The following TCF4 variants were observed in gnomAD, a reference collection of about 807,000 sequenced individuals.
The protein encoded by TCF4 is transcription factor 4.
Under a neutral mutation model 82.1 loss-of-function variants are expected in TCF4, and 3 were observed. That is an observed-to-expected ratio of 0.04 (90% CI 0.02 to 0.09). The LOEUF is 0.09. Ranked by LOEUF, TCF4 falls within the 10% of genes least tolerant of loss-of-function variation. The pLI, the probability that TCF4 is intolerant of heterozygous loss-of-function variation, is 1.00. For synonymous variants in TCF4, 276 were observed against 309.6 expected (o/e 0.89, Z 1.14); for missense variants, 518 against 852.7 (o/e 0.61, Z 4.89).
chr18:55,312,152 A>G (rs149667178), intron 8 of TCF4, among the ~76,000 whole-genome samples: 1 of 152,354 alleles, frequency 6.6e-6, no homozygotes, highest in African/African-American at 2.4e-5. Context: ...AAACAGGAAA[A>G]TATCTTAATG....
intron 6 of TCF4, among the ~76,000 whole-genome samples, chr18:55,374,442 T>C (rs1289752487): frequency 6.6e-6 from 1 of 151,788 alleles, no homozygotes; most frequent in African/African-American, 2.4e-5. Flanking sequence ...ACAAAATATA[T>C]TTGCTAAATA....
At chr18:55,635,552 C>T in intron 1 of TCF4, 1 of 911,408 alleles carries the variant, frequency 1.1e-6, no homozygotes, top group Non-Finnish European at 1.5e-6. Flanking sequence ...AAAAGACTCT[C>T]AAGAGGGCAG....
At chr18:55,249,602 C>G (rs1338624992) in intron 15 of TCF4, among the ~76,000 whole-genome samples, 1 of 152,224 alleles carries the variant, frequency 6.6e-6, no homozygotes, top group Non-Finnish European at 1.5e-5. Context: ...AGGGAGCAAT[C>G]TGCTTAAGTA....
intron 2 of TCF4, among the ~76,000 whole-genome samples, chr18:55,611,500 C>T (rs2097706949): frequency 6.6e-6 from 1 of 152,070 alleles, no homozygotes; most frequent in African/African-American, 2.4e-5. Flanking sequence ...AAAACCAAAG[C>T]TATATAGCAC....
intron 2 of TCF4, among the ~76,000 whole-genome samples, chr18:55,600,609 C>T (rs1048650370): frequency 2.6e-5 from 4 of 152,204 alleles, no homozygotes; most frequent in Non-Finnish European, 5.9e-5. Flanking sequence ...ACCTCAGCTA[C>T]ACCTGGACCA....
At chr18:55,229,956 G>A (rs2047410617) in intron 17 of TCF4, 2 of 152,074 alleles carry the variant, frequency 1.3e-5, no homozygotes, top group South Asian at 4.2e-4. Flanking sequence ...CAGCCTGGAC[G>A]ATATAGTGAG....
At chr18:55,230,298 T>G (rs1281383949) in intron 17 of TCF4, 1 of 152,060 alleles carries the variant, frequency 6.6e-6, no homozygotes, top group Admixed American at 6.6e-5. Context: ...AGTGACAAAT[T>G]AGAAACTTTT....
chr18:55,365,191 ATGTGTGTGTGTG>A (rs1220531145), intron 6 of TCF4, among the ~76,000 whole-genome samples: 15 of 97,892 alleles, frequency 1.5e-4, no homozygotes, highest in East Asian at 2.8e-4. Flanking sequence ...ATATATATAT[ATGTGTGTGTGTG>A]TGTGTGTATA....
intron 3 of TCF4, chr18:55,550,858 AG>A (rs1005324559): frequency 6.6e-6 from 1 of 152,202 alleles, no homozygotes; most frequent in Non-Finnish European, 1.5e-5. Flanking sequence ...TTTAACGTTT[AG>A]GGCTGCATGG....
chr18:55,222,871 T>C lies in TCF4; in HGVS notation c.*5164A>G, dbSNP rs1295351918. 1 of 152,640 alleles carries C rather than the reference T, an allele frequency of 6.6e-6. No individual in the cohort carries two copies. The highest frequency in any genetic ancestry group is 1.5e-5 in the Non-Finnish European group (1 of 68,034). 9.5% of individuals were successfully genotyped at this position (152,640 alleles called of 1,614,324 possible). A position where few individuals can be genotyped will look rare whatever the true frequency, so the allele number is the denominator to read the frequency against. On this transcript the variant is annotated 3_prime_UTR_variant, in exon 20 of 20. Transcript: ENST00000354452. ...AGTTTGTACAAGTTAGAAAAAAACA[T>C]CTGGTTGTTTACATCTGGATTAATA...
chr18:55,556,320 T>C (rs183728117), intron 3 of TCF4, among the ~76,000 whole-genome samples: 11 of 152,344 alleles, frequency 7.2e-5, no homozygotes, highest in Admixed American at 2.6e-4. Context: ...TCAGTTATAT[T>C]TGATGAGACT....
At chr18:55,430,299 C>T (rs958900788) in intron 5 of TCF4, among the ~76,000 whole-genome samples, 4 of 152,114 alleles carry the variant, frequency 2.6e-5, no homozygotes, top group African/African-American at 9.7e-5. Context: ...AGGAAAGGAC[C>T]CTGAGTAAGT....
chr18:55,517,179 A>G (rs2096890867), intron 3 of TCF4, among the ~76,000 whole-genome samples: 1 of 152,210 alleles, frequency 6.6e-6, no homozygotes, highest in Admixed American at 6.5e-5. Context: ...ACTATGCCAC[A>G]TGACACGCTT....
In TCF4 at chr18:55,580,742, ATGTG is replaced by A. The variant is rs5825144; in HGVS notation, c.145+4534_145+4537del. ...TAATCTTGCAAAAATGAGCTGTCTG[ATGTG>A]TGTGTGTGTGTGTGTGTGTGTGTGT... On this transcript the variant is annotated intron_variant, in intron 3 of 19. Coordinates refer to ENST00000354452, the MANE Select transcript of TCF4 (RefSeq NM_001083962.2). 5.5e-3 allele frequency among the ~76,000 whole-genome samples: 803 copies of A among 145,146 alleles called. 3 individuals are homozygous for A. Among genetic ancestry groups the A allele is most frequent in the African/African-American group, 0.011 (426 of 39,484 alleles).
intron 8 of TCF4, among the ~76,000 whole-genome samples, chr18:55,296,623 T>C (rs1005427283): frequency 6.6e-6 from 1 of 152,208 alleles, no homozygotes; most frequent in East Asian, 1.9e-4. Flanking sequence ...TTAAAAATGA[T>C]ACGTTTCTTC....
intron 1 of TCF4, among the ~76,000 whole-genome samples, chr18:55,587,699 G>A (rs1205360139): frequency 6.6e-6 from 1 of 151,902 alleles, no homozygotes; most frequent in African/African-American, 2.4e-5. Context: ...GTCCAAAGGG[G>A]GAGGGGTGGG....
At chr18:55,470,647 G>A (rs1381237899) in intron 3 of TCF4, among the ~76,000 whole-genome samples, 2 of 152,106 alleles carry the variant, frequency 1.3e-5, no homozygotes, top group African/African-American at 4.8e-5. Flanking sequence ...TTGATTTGAC[G>A]TAGAGCTGTG....
intron 10 of TCF4, among the ~76,000 whole-genome samples, chr18:55,272,424 C>G (rs908482414): frequency 6.6e-6 from 1 of 151,924 alleles, no homozygotes; most frequent in African/African-American, 2.4e-5. Flanking sequence ...ACTGTCTTTC[C>G]TGCTTGCTAC....
intron 4 of TCF4, 110 bp downstream of exon 4, chr18:55,463,966 G>GTGTGTGTGTGTGTGTGTT (rs2095938220): frequency 3.6e-6 from 3 of 828,316 alleles, no homozygotes; most frequent in Non-Finnish European, 6.2e-6. Flanking sequence ...GTGTGTGTGT[G>GTGTGTGTGTGTGTGTGTT]TGTGTGTGTG....
Sources: allele counts gnomAD v4.1 joint callset (sites outside exome capture counted in the v4.1 genomes callset), GRCh38; gene constraint gnomAD v4.1.1; transcripts MANE v1.5; gene names NCBI Gene and HGNC (gene_info 2026-07-23, HGNC 2026-07-21).